IMMP2L: variants seen among roughly 807,000 people sequenced by gnomAD.
IMMP2L encodes the protein mitochondrial inner membrane protease subunit 2.
A neutral mutation model predicts 19.3 loss-of-function variants in IMMP2L; 18 were observed. That is an observed-to-expected ratio of 0.93 (90% confidence interval 0.64 to 1.38). The LOEUF is 1.38. Ranked by LOEUF, IMMP2L falls within the 40% of genes most tolerant of loss-of-function variation. The probability of loss-of-function intolerance (pLI) is 0.00; values close to 1 mark genes in which losing one functional copy is unlikely to be tolerated. For synonymous variants in IMMP2L, 76 were observed against 73.0 expected (o/e 1.04, Z -0.21); for missense variants, 233 against 218.2 (o/e 1.07, Z -0.43).
intron 3 of IMMP2L, among the ~76,000 whole-genome samples, chr7:111,436,584 G>A (rs1052859243): frequency 6.6e-6 from 1 of 151,308 alleles, no homozygotes; most frequent in Non-Finnish European, 1.5e-5. Context: ...TTCTCATTAT[G>A]TAAAAAATCA....
intron 5 of IMMP2L, among the ~76,000 whole-genome samples, chr7:110,671,231 TTTTGATTA>T (rs1314841913): frequency 3.3e-5 from 5 of 152,218 alleles, no homozygotes; most frequent in African/African-American, 1.2e-4. Context: ...CACCAAACTG[TTTTGATTA>T]TGCATCAGCA....
At chr7:110,738,344 A>T (rs1333670226) in intron 5 of IMMP2L, among the ~76,000 whole-genome samples, 2 of 152,198 alleles carry the variant, frequency 1.3e-5, no homozygotes, top group African/African-American at 2.4e-5. Flanking sequence ...TTCTTCAGTG[A>T]AATAGATAGC....
At chr7:111,407,385 C>T (rs905353295) in intron 3 of IMMP2L, among the ~76,000 whole-genome samples, 4 of 151,886 alleles carry the variant, frequency 2.6e-5, no homozygotes, top group African/African-American at 9.7e-5. Context: ...ATTCATAATA[C>T]CTAAAAGCAA....
At chr7:111,522,766 T>C (rs886973530) in intron 1 of IMMP2L, among the ~76,000 whole-genome samples, 8 of 151,998 alleles carry the variant, frequency 5.3e-5, no homozygotes, top group Admixed American at 4.6e-4. Flanking sequence ...CACATGATTC[T>C]GCAATCCTAT....
intron 2 of IMMP2L, among the ~76,000 whole-genome samples, chr7:111,505,624 G>A (rs898903522): frequency 1.3e-5 from 2 of 152,084 alleles, no homozygotes; most frequent in Admixed American, 6.5e-5. Flanking sequence ...TATACACCAT[G>A]GAATACTATG....
chr7:111,164,184 G>GC (rs1805579885), intron 3 of IMMP2L, among the ~76,000 whole-genome samples: 1 of 151,786 alleles, frequency 6.6e-6, no homozygotes, highest in Non-Finnish European at 1.5e-5. Flanking sequence ...AGAAAGGCAG[G>GC]AAGGCAGGCA....
intron 3 of IMMP2L, among the ~76,000 whole-genome samples, chr7:111,054,156 T>TCC (rs1457920535): frequency 6.6e-6 from 1 of 152,192 alleles, no homozygotes; most frequent in Non-Finnish European, 1.5e-5. Context: ...AGATTTCTAT[T>TCC]TGATATATTT....
At chr7:110,840,768 T>A (rs6960391) in intron 5 of IMMP2L, among the ~76,000 whole-genome samples, 1 of 152,082 alleles carries the variant, frequency 6.6e-6, no homozygotes, top group Non-Finnish European at 1.5e-5. Flanking sequence ...GTATCACATA[T>A]ATACTCATTT....
Position 110,924,285 on chromosome 7 carries a change from C to T in IMMP2L, c.306-37590G>A, listed in dbSNP as rs1230446189. On this transcript the variant is annotated intron_variant, in intron 4 of 5. Transcript: ENST00000405709. The surrounding 1 kb of genome is among the most constrained non-coding windows in gnomAD (Gnocchi z 4.2). ...ATTGAGAAGAGGCTTCTGGTGAAAA[C>T]GTTTGTAGTTCTGCAGGCAGATAAA... Among the ~76,000 whole-genome samples, 1 of 152,058 alleles carries T rather than the reference C, an allele frequency of 6.6e-6. No individual in the cohort carries two copies. Among genetic ancestry groups the T allele is most frequent in the East Asian group, 1.9e-4 (1 of 5,192 alleles).
At chr7:111,253,009 A>G (rs1237143351) in intron 3 of IMMP2L, among the ~76,000 whole-genome samples, 1 of 152,186 alleles carries the variant, frequency 6.6e-6, no homozygotes, top group East Asian at 1.9e-4. Context: ...CATAGATTTT[A>G]CCAATATTGC....
At chr7:111,548,132 G>A (rs775905424) in intron 1 of IMMP2L, among the ~76,000 whole-genome samples, 7 of 151,960 alleles carry the variant, frequency 4.6e-5, no homozygotes, top group Non-Finnish European at 1.0e-4. Flanking sequence ...GTTTCAGGGA[G>A]AGAATATTAT....
intron 2 of IMMP2L, 130 bp from the exon 3 acceptor site, chr7:111,487,471 C>T (rs913351786): frequency 1.9e-6 from 1 of 527,278 alleles, no homozygotes; most frequent in African/African-American, 1.9e-5. Context: ...AATTGCTGTT[C>T]TAAAGTAACT....
intron 4 of IMMP2L, among the ~76,000 whole-genome samples, chr7:110,907,518 A>T (rs1812597520): frequency 6.7e-6 from 1 of 149,462 alleles, no homozygotes; most frequent in Non-Finnish European, 1.5e-5. Flanking sequence ...GGGGCGGGCC[A>T]TGGGTGGTTT....
chr7:110,997,444 T>G (rs1029930582), intron 3 of IMMP2L, among the ~76,000 whole-genome samples: 1 of 152,130 alleles, frequency 6.6e-6, no homozygotes, highest in African/African-American at 2.4e-5. Flanking sequence ...ATGGTCAAAT[T>G]GTTTTCCAGA....
At chr7:110,739,961 T>C (rs531017976) in intron 5 of IMMP2L, among the ~76,000 whole-genome samples, 2 of 152,308 alleles carry the variant, frequency 1.3e-5, no homozygotes, top group East Asian at 1.9e-4. Flanking sequence ...TCCAGAATGA[T>C]TGTTGGGTTA....
Position 111,399,317 on chromosome 7 carries a change from A to C in IMMP2L, c.239+87921T>G, listed in dbSNP as rs573737198. 3.5e-3 allele frequency among the ~76,000 whole-genome samples: 531 copies of C among 152,248 alleles called. 7 individuals carry two copies. Among genetic ancestry groups the C allele is most frequent in the African/African-American group, 0.012 (513 of 41,564 alleles). On this transcript the variant is annotated intron_variant, in intron 3 of 5. Coordinates refer to ENST00000405709, the MANE Select transcript of IMMP2L (RefSeq NM_032549.4). ...CAATGGAACACAATAGAGAACCCAG[A>C]AATAAACCCAAATACATACAGCCAA...
At chr7:111,555,132 T>C (rs569693420) in intron 1 of IMMP2L, among the ~76,000 whole-genome samples, 2 of 152,178 alleles carry the variant, frequency 1.3e-5, no homozygotes, top group African/African-American at 4.8e-5. Flanking sequence ...GCCTTTACCA[T>C]AGCAGATATT....
chr7:111,529,457 G>A (rs1336864250), intron 1 of IMMP2L, among the ~76,000 whole-genome samples: 2 of 152,086 alleles, frequency 1.3e-5, no homozygotes, highest in African/African-American at 4.8e-5. Context: ...TTTATAAACA[G>A]ACACTTAGTA....
At chr7:111,501,995 G>A (rs1337836757) in intron 2 of IMMP2L, among the ~76,000 whole-genome samples, 10 of 152,090 alleles carry the variant, frequency 6.6e-5, no homozygotes, top group Admixed American at 3.9e-4. Flanking sequence ...ATGTAAATGG[G>A]CTAAATGCTC....
Sources: allele counts gnomAD v4.1 joint callset (sites outside exome capture counted in the v4.1 genomes callset), GRCh38; gene constraint gnomAD v4.1.1; non-coding constraint Gnocchi (gnomAD v3.1); transcripts MANE v1.5; gene names NCBI Gene and HGNC (gene_info 2026-07-23, HGNC 2026-07-21).